Variants in SCTR observed in about 807,000 individuals in gnomAD.
SCTR encodes pancreatic secretin receptor.
In SCTR, 56 loss-of-function variants were observed where a neutral mutation model predicts 60.8. The ratio of observed to expected loss-of-function variants is 0.92; its 90% confidence interval spans 0.74 to 1.15. The LOEUF (loss-of-function observed/expected upper bound fraction) is 1.15. Among genes scored for constraint, SCTR ranks in the 50% most tolerant of loss-of-function variants. SCTR has a pLI of 0.00. For missense variants in SCTR, 562 were observed against 550.4 expected (o/e 1.02, Z -0.21); for synonymous variants, 202 against 217.0 (o/e 0.93, Z 0.61).
At chr2:119,481,890 C>T (rs540524986) in intron 2 of SCTR, among the ~76,000 whole-genome samples, 1 of 152,362 alleles carries the variant, frequency 6.6e-6, no homozygotes. Context: ...CATTCTGCAT[C>T]CAGGGCCTGC....
At chr2:119,496,412 G>A (rs889576610) in intron 1 of SCTR, among the ~76,000 whole-genome samples, 2 of 152,124 alleles carry the variant, frequency 1.3e-5, no homozygotes, top group South Asian at 2.1e-4. Context: ...GCTTTATATA[G>A]ACAGATTCTG....
intron 1 of SCTR, among the ~76,000 whole-genome samples, chr2:119,504,227 G>C (rs779732913): frequency 3.9e-5 from 6 of 152,170 alleles, no homozygotes; most frequent in African/African-American, 9.7e-5. Flanking sequence ...TGAACCTTGA[G>C]CTCAGTCTCA....
chr2:119,445,903 T>C (rs1346593384), intron 11 of SCTR, among the ~76,000 whole-genome samples: 1 of 152,230 alleles, frequency 6.6e-6, no homozygotes, highest in Non-Finnish European at 1.5e-5. Context: ...CATTCTTTTT[T>C]TCACTGATCC....
intron 2 of SCTR, among the ~76,000 whole-genome samples, chr2:119,484,373 GA>G (rs1677769428): frequency 6.6e-6 from 1 of 151,830 alleles, no homozygotes; most frequent in Non-Finnish European, 1.5e-5. Context: ...TTTAAGTGGG[GA>G]AACAAGAGAA....
intron 1 of SCTR, among the ~76,000 whole-genome samples, chr2:119,508,383 C>CTTCTTTTTTTTTT: frequency 1.3e-5 from 1 of 77,406 alleles, no homozygotes; most frequent in Non-Finnish European, 2.3e-5. Flanking sequence ...TCTTCTTCTT[C>CTTCTTTTTTTTTT]TTTTTTTTTT....
chr2:119,523,526 G>A (rs1388763890), intron 1 of SCTR, among the ~76,000 whole-genome samples: 1 of 151,612 alleles, frequency 6.6e-6, no homozygotes, highest in Non-Finnish European at 1.5e-5. Flanking sequence ...TTAGGGAGCC[G>A]CATCCCACAC....
intron 11 of SCTR, 141 bp downstream of exon 11, chr2:119,446,618 G>T (rs1682938160): frequency 1.4e-6 from 1 of 710,088 alleles, no homozygotes; most frequent in South Asian, 4.5e-5. Flanking sequence ...GGGACCTGTA[G>T]CACTGTCAGG....
At position 119,473,550 on chromosome 2, in the gene SCTR, A is replaced by G; in HGVS notation, c.308T>C (p.Leu103Ser). ...LRMLTSRNGSLFRNCTQDGWS... is the reference protein window; with the variant it reads ...LRMLTSRNGSSFRNCTQDGWS... ...GCCATCCTGTGTGCAGTTTCGGAAC[A>G]AGGAACCTGTGGGTGCCAAGAGTCC... The change falls in exon 4 of 13, where the codon TTG (leucine) becomes TCG (serine). Residue 103 changes from leucine to serine, a missense_variant. Physicochemically the swap from Leu to Ser is moderately radical, Grantham distance 145. Coordinates refer to ENST00000019103, the MANE Select transcript of SCTR (RefSeq NM_002980.3). The G allele has an allele frequency of 6.2e-7, 1 of 1,613,000 alleles. No individual in the cohort carries two copies. Among genetic ancestry groups the G allele is most frequent in the Non-Finnish European group, 8.5e-7 (1 of 1,178,996 alleles).
intron 7 of SCTR, among the ~76,000 whole-genome samples, chr2:119,459,922 G>A (rs1573820548): frequency 6.6e-6 from 1 of 152,268 alleles, no homozygotes. Flanking sequence ...TGGGCTCAGT[G>A]AGTTGGGTGC....
At chr2:119,441,454 C>T (rs1015315243) in intron 12 of SCTR, 104 bp downstream of exon 12, 4 of 910,346 alleles carry the variant, frequency 4.4e-6, no homozygotes, top group Non-Finnish European at 5.3e-6. Flanking sequence ...CCCTCTGACC[C>T]TTTCCATCCC....
chr2:119,471,711 A>C (rs1173140144), intron 4 of SCTR, among the ~76,000 whole-genome samples: 1 of 152,158 alleles, frequency 6.6e-6, no homozygotes, highest in African/African-American at 2.4e-5. Context: ...TAGGGAGTTT[A>C]GCTAATGGGA....
At chr2:119,448,604 A>G in intron 10 of SCTR, 85 bp downstream of exon 10, 2 of 802,004 alleles carry the variant, frequency 2.5e-6, no homozygotes, top group East Asian at 2.5e-5. Flanking sequence ...CTCCGTCTCC[A>G]ATAGCTAGCA....
chr2:119,523,392 CTATTATTATTATTATTAT>C lies in SCTR; in HGVS notation c.72+745_72+762del, dbSNP rs70947300. Among the ~76,000 whole-genome samples the C allele has an allele frequency of 9.3e-4, 125 of 134,252 alleles. 1 individual carries two copies. Among genetic ancestry groups the C allele is most frequent in the African/African-American group, 2.5e-3 (89 of 35,714 alleles). 88.1% of individuals were successfully genotyped at this position (134,252 alleles called of 152,430 possible). ...GAAAAACAAACCACCCATCCTGCCG[CTATTATTATTATTATTAT>C]TATTATTATTATTATTATTATTATT... On this transcript the variant is annotated intron_variant, in intron 1 of 12. Coordinates refer to ENST00000019103, the MANE Select transcript of SCTR (RefSeq NM_002980.3).
At chr2:119,469,245 G>A (rs577937228) in intron 4 of SCTR, among the ~76,000 whole-genome samples, 19 of 152,252 alleles carry the variant, frequency 1.2e-4, no homozygotes, top group African/African-American at 4.6e-4. Flanking sequence ...ATTGCAGAGG[G>A]TGTCAGCCTC....
In SCTR at chr2:119,450,078, AAAATAAAT is replaced by A. The variant is rs140544177; in HGVS notation, c.922-1306_922-1299del. 2.3e-3 allele frequency among the ~76,000 whole-genome samples: 332 copies of A among 145,172 alleles called. 2 individuals carry two copies. The highest frequency in any genetic ancestry group is 0.013 in the South Asian group (62 of 4,726). ...AGAAAGAAAAAGAAAGAAAGAAAGA[AAAATAAAT>A]AAATAAATAAATAAATAAATGGAGG... On this transcript the variant is annotated intron_variant, in intron 9 of 12. Coordinates refer to ENST00000019103, the MANE Select transcript of SCTR (RefSeq NM_002980.3).
At chr2:119,445,836 C>T (rs1682906041) in intron 11 of SCTR, among the ~76,000 whole-genome samples, 1 of 152,206 alleles carries the variant, frequency 6.6e-6, no homozygotes, top group African/African-American at 2.4e-5. Flanking sequence ...ACCCATCTCT[C>T]CCTCCTGTAT....
At chr2:119,514,077 T>C (rs1679038453) in intron 1 of SCTR, among the ~76,000 whole-genome samples, 1 of 152,244 alleles carries the variant, frequency 6.6e-6, no homozygotes, top group South Asian at 2.1e-4. Context: ...TTGGTCCCAC[T>C]GTGGTGTATA....
chr2:119,465,801 A>T lies in SCTR; in HGVS notation c.491T>A (p.Leu164His). The change falls in exon 5 of 13, where the codon CTC (leucine) becomes CAC (histidine). Residue 164 changes from leucine to histidine, a missense_variant. Coordinates refer to ENST00000019103, the MANE Select transcript of SCTR (RefSeq NM_002980.3). ...LVMLLVALGI[L>H]CAFRRLHCTR... ...AGTGTGTTCTCACCGGAAAGCACAGAGGATGCCAAGGGCGACCAGGAGCAT... is the reference window on the plus strand; with the variant it reads ...AGTGTGTTCTCACCGGAAAGCACAGTGGATGCCAAGGGCGACCAGGAGCAT... 6.2e-7 allele frequency: 1 copy of T among 1,612,496 alleles called. No homozygotes were observed. The highest frequency in any genetic ancestry group is 1.1e-5 in the South Asian group (1 of 91,048).
In SCTR at chr2:119,488,547, C is replaced by T. The variant is rs556713365; in HGVS notation, c.193+5881G>A. Among the ~76,000 whole-genome samples, 30 of 152,346 alleles carry T rather than the reference C, an allele frequency of 2.0e-4. 1 individual carries two copies. The highest frequency in any genetic ancestry group is 6.5e-4 in the African/African-American group (27 of 41,588). On this transcript the variant is annotated intron_variant, in intron 2 of 12. Coordinates refer to ENST00000019103, the MANE Select transcript of SCTR (RefSeq NM_002980.3). Reference sequence around the variant, plus strand: ...GAAAGATGACCGATTCTGCTCAGATCGGTCAACCTGGAATTGAGACATGGA... The same window carrying T: ...GAAAGATGACCGATTCTGCTCAGATTGGTCAACCTGGAATTGAGACATGGA...
Sources: gnomAD v4.1 joint callset for allele counts (sites outside exome capture counted in the v4.1 genomes callset) on GRCh38, gnomAD v4.1.1 for gene constraint, MANE v1.5 for transcripts, NCBI Gene and HGNC (gene_info 2026-07-23, HGNC 2026-07-21) for gene names.